Variants in ESCO1 observed in about 807,000 individuals in gnomAD.
ESCO1 encodes the protein establishment of sister chromatid cohesion N-acetyltransferase 1.
A neutral mutation model predicts 83.5 loss-of-function variants in ESCO1; 33 were observed. That is an observed-to-expected ratio of 0.40 (90% CI 0.30 to 0.53). The LOEUF is 0.53. ESCO1 is among the 20% of genes least tolerant of loss of function. ESCO1 has a pLI of 0.63. For missense variants in ESCO1, 855 were observed against 968.0 expected (o/e 0.88, Z 1.55); for synonymous variants, 332 against 324.3 (o/e 1.02, Z -0.25).
At chr18:21,592,039 G>T (rs2038678005) in intron 1 of ESCO1, among the ~76,000 whole-genome samples, 2 of 151,850 alleles carry the variant, frequency 1.3e-5, no homozygotes, top group African/African-American at 2.4e-5. Flanking sequence ...TCTTAGTAAA[G>T]AACAAAATGA....
At chr18:21,598,770 T>C (rs913448174) in intron 1 of ESCO1, among the ~76,000 whole-genome samples, 3 of 151,802 alleles carry the variant, frequency 2.0e-5, no homozygotes, top group South Asian at 2.1e-4. Flanking sequence ...GGTGAGACAA[T>C]AGCATATTTT....
Position 21,574,412 on chromosome 18 carries a change from T to G in ESCO1, c.432A>C (p.Gln144His), listed in dbSNP as rs1317093010. The change falls in exon 4 of 12, where the codon CAA becomes CAC. Residue 144 changes from glutamine (Q) to histidine (H), a missense_variant. By Grantham distance (24) the Gln-to-His change is conservative. This residue lies in a region of ESCO1 where 726 missense variants were observed against 699.5 expected (regional missense o/e 1.04). Coordinates refer to ENST00000269214, the MANE Select transcript of ESCO1 (RefSeq NM_052911.3). ...GCAAACTCTGTTTAACTGCTTGAAC[T>G]TGACCCTGAATTTCTCTACTGCGTA... is the stretch of plus-strand genomic sequence containing the variant. ...RSLRSREIQG[Q>H]VQAVKQSLPP... 6.2e-7 allele frequency: 1 copy of G among 1,614,034 alleles called. No individual in the cohort carries two copies. The highest frequency in any genetic ancestry group is 1.3e-5 in the African/African-American group (1 of 74,934).
At chr18:21,571,435 T>C (rs1258880931) in intron 4 of ESCO1, among the ~76,000 whole-genome samples, 1 of 152,130 alleles carries the variant, frequency 6.6e-6, no homozygotes, top group African/African-American at 2.4e-5. Flanking sequence ...GTGATCCAAC[T>C]GCCTCAGCCT....
intron 11 of ESCO1, among the ~76,000 whole-genome samples, chr18:21,530,738 T>A (rs1013988398): frequency 3.9e-5 from 6 of 152,116 alleles, no homozygotes; most frequent in Non-Finnish European, 5.9e-5. Context: ...GATAAAAATA[T>A]TCAACTAAGA....
intron 4 of ESCO1, among the ~76,000 whole-genome samples, chr18:21,570,904 G>C (rs1333748656): frequency 6.6e-6 from 1 of 151,632 alleles, no homozygotes; most frequent in Non-Finnish European, 1.5e-5. Context: ...GTGAACCCAG[G>C]AGGCGGAGCC....
At chr18:21,538,189 C>T (rs757892972) in intron 9 of ESCO1, among the ~76,000 whole-genome samples, 11 of 151,064 alleles carry the variant, frequency 7.3e-5, no homozygotes, top group East Asian at 5.8e-4. Context: ...GGGTGGCTCA[C>T]GCCTATAATC....
intron 8 of ESCO1, among the ~76,000 whole-genome samples, chr18:21,546,135 G>C (rs969327026): frequency 2.0e-5 from 3 of 152,194 alleles, no homozygotes; most frequent in Non-Finnish European, 2.9e-5. Flanking sequence ...ATAGTGGTAA[G>C]GAGGATTTCA....
intron 1 of ESCO1, among the ~76,000 whole-genome samples, chr18:21,596,273 A>C (rs2038765512): frequency 6.6e-6 from 1 of 151,904 alleles, no homozygotes; most frequent in African/African-American, 2.4e-5. Context: ...CCTAATATAA[A>C]GCTACTTGGA....
chr18:21,580,583 G>A (rs2038487936), intron 2 of ESCO1, among the ~76,000 whole-genome samples: 1 of 152,124 alleles, frequency 6.6e-6, no homozygotes, highest in Admixed American at 6.6e-5. Flanking sequence ...GAAGAAAAGA[G>A]GAGGGAGTTT....
rs554593543 is a variant in ESCO1 at position 21,542,662 on chromosome 18, T to A, written c.1954-2653A>T. The stretch of plus-strand genomic sequence containing the variant: ...CTAATCTAACAAAACAGTCAATCAA[T>A]AAATGTTCCCAAGGGTAAATACAGC... On this transcript the variant is annotated intron_variant, in intron 8 of 11. Transcript: ENST00000269214. Among the ~76,000 whole-genome samples, 4 of 152,286 alleles carry A rather than the reference T, an allele frequency of 2.6e-5. No individual in the cohort carries two copies. The South Asian group carries it at 8.3e-4, about 32-fold the overall frequency.
chr18:21,547,545 A>G (rs985853020), intron 8 of ESCO1, among the ~76,000 whole-genome samples: 8 of 152,156 alleles, frequency 5.3e-5, no homozygotes, highest in Admixed American at 5.2e-4. Flanking sequence ...TACAAGGTGC[A>G]ATAAAGTATA....
In ESCO1 at chr18:21,539,995, TTC is replaced by T; in HGVS notation, c.1966_1967del (p.Glu656LysfsTer5). The T allele has an allele frequency of 6.2e-7, 1 of 1,607,656 alleles. No individual in the cohort carries two copies. The highest frequency in any genetic ancestry group is 8.5e-7 in the Non-Finnish European group (1 of 1,178,404). On this transcript the variant is annotated frameshift_variant, in exon 9 of 12. Coordinates refer to ENST00000269214, the MANE Select transcript of ESCO1 (RefSeq NM_052911.3). LOFTEE classifies it high-confidence loss of function. The stretch of plus-strand genomic sequence containing the variant: ...CATCAGGGTATTCAGCCAGAATTCT[TTC>T]TTTCTTCCAGCCCTAGATATATATA... ...SAVKYVGWKK[E>X]RILAEYPDGR...
intron 2 of ESCO1, among the ~76,000 whole-genome samples, chr18:21,579,664 C>T (rs1160743923): frequency 2.7e-5 from 4 of 150,508 alleles, no homozygotes; most frequent in African/African-American, 7.3e-5. Context: ...CCCAGCTACT[C>T]GGGAGGCTGA....
rs2037740921 is a variant in ESCO1, at chr18:21,529,584, T to C, written c.*759A>G. 1 of 152,176 alleles carries C rather than the reference T, an allele frequency of 6.6e-6. No homozygotes were observed. Among genetic ancestry groups the C allele is most frequent in the South Asian group, 2.1e-4 (1 of 4,832 alleles). The allele number at this position is 152,176 out of a possible 1,614,324, so 9.4% of individuals were successfully genotyped here. ...TTGTTAACAGCCTAGGTGTGCCAAG[T>C]TGCCATTTATTTTAAAAGTGAAACC... On this transcript the variant is annotated 3_prime_UTR_variant, in exon 12 of 12. Transcript: ENST00000269214.
chr18:21,567,616 A>ACCCTT (rs2038280331), intron 5 of ESCO1, among the ~76,000 whole-genome samples: 1 of 152,232 alleles, frequency 6.6e-6, no homozygotes, highest in Non-Finnish European at 1.5e-5. Context: ...ATAAGGGTTA[A>ACCCTT]AGATAAGAAC....
At chr18:21,547,888 G>C (rs1331749241) in intron 8 of ESCO1, among the ~76,000 whole-genome samples, 1 of 152,020 alleles carries the variant, frequency 6.6e-6, no homozygotes, top group African/African-American at 2.4e-5. Flanking sequence ...CAGATCACGA[G>C]GTCAGGAGAT....
At chr18:21,567,013 T>C (rs946423704) in intron 5 of ESCO1, among the ~76,000 whole-genome samples, 1 of 152,328 alleles carries the variant, frequency 6.6e-6, no homozygotes, top group Middle Eastern at 3.4e-3. Flanking sequence ...ATGTCAATGA[T>C]TATCCGAACT....
chr18:21,552,079 T>C (rs2038053702), intron 8 of ESCO1, among the ~76,000 whole-genome samples: 1 of 152,142 alleles, frequency 6.6e-6, no homozygotes, highest in African/African-American at 2.4e-5. Context: ...TTCAATGCAA[T>C]CCTAATAAAG....
intron 8 of ESCO1, among the ~76,000 whole-genome samples, chr18:21,559,123 C>T (rs2038150350): frequency 6.6e-6 from 1 of 152,194 alleles, no homozygotes; most frequent in South Asian, 2.1e-4. Flanking sequence ...TTGGAAGAGT[C>T]TCTTCCTTAG....
Sources: gnomAD v4.1 joint callset for allele counts (sites outside exome capture counted in the v4.1 genomes callset) on GRCh38, gnomAD v4.1.1 for gene constraint, gnomAD v4.1.1 regional missense constraint, MANE v1.5 for transcripts, NCBI Gene and HGNC (gene_info 2026-07-23, HGNC 2026-07-21) for gene names.